The following HNRNPC variants were observed in gnomAD, a reference collection of about 807,000 sequenced individuals.
The protein encoded by HNRNPC is heterogeneous nuclear ribonucleoproteins C1/C2.
Under a neutral mutation model 33.2 loss-of-function variants are expected in HNRNPC, and 3 were observed. That is an observed-to-expected ratio of 0.09 (90% confidence interval 0.04 to 0.23). HNRNPC has a LOEUF of 0.23. Among genes scored for constraint, HNRNPC ranks in the 10% least tolerant of loss-of-function variants. The probability of loss-of-function intolerance (pLI) is 1.00; values close to 1 mark genes in which losing one functional copy is unlikely to be tolerated. For missense variants in HNRNPC, 143 were observed against 366.7 expected, an observed-to-expected ratio of 0.39 and a Z score of 4.98; for synonymous variants, 121 against 126.7, an observed-to-expected ratio of 0.96 and a Z score of 0.30.
chr14:21,210,195 T>C lies in HNRNPC; in HGVS notation c.*1028A>G, dbSNP rs1185467827. The C allele has an allele frequency of 6.6e-6, 1 of 152,178 alleles. No individual in the cohort carries two copies. Among genetic ancestry groups the C allele is most frequent in the African/African-American group, 2.4e-5 (1 of 41,426 alleles). 9.4% of individuals were successfully genotyped at this position (152,178 alleles called of 1,614,324 possible). On this transcript the variant is annotated 3_prime_UTR_variant, in exon 9 of 9. Transcript: ENST00000553300. Reference sequence around the variant, plus strand: ...TCGCCATTTTCCTGAAATCTTGATGTTTTTGAGCCTCTCCTATTTAAGGAC... The same window carrying C: ...TCGCCATTTTCCTGAAATCTTGATGCTTTTGAGCCTCTCCTATTTAAGGAC...
rs541174838 is a variant in HNRNPC at position 21,209,957 on chromosome 14, G to T, written c.*1266C>A. The T allele has an allele frequency of 2.3e-4, 35 of 151,670 alleles. No individual in the cohort carries two copies. Among genetic ancestry groups the T allele is most frequent in the African/African-American group, 8.2e-4 (34 of 41,516 alleles). The allele number at this position is 151,670 out of a possible 1,614,324, so 9.4% of individuals were successfully genotyped here. ...AGGAAAACACAAAGATTAGCTAACA[G>T]GGGTAAAAGATCATTTAGAGTAAAA... On this transcript the variant is annotated 3_prime_UTR_variant, in exon 9 of 9. Coordinates refer to ENST00000553300, the MANE Select transcript of HNRNPC (RefSeq NM_004500.4).
intron 2 of HNRNPC, among the ~76,000 whole-genome samples, chr14:21,258,655 A>C (rs1251895096): frequency 1.3e-5 from 2 of 152,216 alleles, no homozygotes; most frequent in Non-Finnish European, 2.9e-5. Flanking sequence ...TCAAGTGTTT[A>C]GAATACTTCC....
chr14:21,249,595 A>AAAAC (rs1555358494), intron 2 of HNRNPC, among the ~76,000 whole-genome samples: 7 of 85,276 alleles, frequency 8.2e-5, no homozygotes, highest in Non-Finnish European at 2.0e-4. Context: ...CTCAAAAACA[A>AAAAC]AAAAAAAAAA....
chr14:21,242,244 G>C (rs779597154), intron 2 of HNRNPC, among the ~76,000 whole-genome samples: 10 of 152,186 alleles, frequency 6.6e-5, no homozygotes, highest in Non-Finnish European at 1.5e-4. Context: ...CAGCACTTTG[G>C]GAGGCCAAGG....
At chr14:21,211,723 T>C (rs1313540222) in intron 7 of HNRNPC, 87 bp downstream of exon 7, 5 of 1,420,106 alleles carry the variant, frequency 3.5e-6, no homozygotes, top group Non-Finnish European at 3.9e-6. Context: ...TACATTGCTT[T>C]ATATTCCACT....
intron 5 of HNRNPC, among the ~76,000 whole-genome samples, chr14:21,214,902 G>C (rs971674457): frequency 6.6e-6 from 1 of 152,170 alleles, no homozygotes; most frequent in African/African-American, 2.4e-5. Context: ...ATTAAACTGA[G>C]CTTAAGCCTC....
chr14:21,253,670 T>G (rs907527228), intron 2 of HNRNPC, among the ~76,000 whole-genome samples: 1 of 152,114 alleles, frequency 6.6e-6, no homozygotes, highest in Admixed American at 6.6e-5. Flanking sequence ...AAGCAAAAGA[T>G]CCAAAGTAAT....
chr14:21,247,633 G>A (rs747039662), intron 2 of HNRNPC, among the ~76,000 whole-genome samples: 23 of 151,986 alleles, frequency 1.5e-4, no homozygotes. Flanking sequence ...CCAAATTGAA[G>A]TAAACTGAAA....
intron 2 of HNRNPC, among the ~76,000 whole-genome samples, chr14:21,260,276 G>A (rs1320329441): frequency 5.4e-5 from 8 of 146,870 alleles, no homozygotes; most frequent in Non-Finnish European, 1.2e-4. Flanking sequence ...CTGAGACAGA[G>A]AACTGCTTGA....
At chr14:21,254,370 T>C (rs1172582106) in intron 2 of HNRNPC, among the ~76,000 whole-genome samples, 1 of 152,136 alleles carries the variant, frequency 6.6e-6, no homozygotes, top group African/African-American at 2.4e-5. Flanking sequence ...CAGGTTAAAT[T>C]TAAAATTATT....
intron 2 of HNRNPC, among the ~76,000 whole-genome samples, chr14:21,243,690 C>T (rs1026573432): frequency 6.6e-6 from 1 of 152,138 alleles, no homozygotes; most frequent in Non-Finnish European, 1.5e-5. Context: ...AGCAATGGGA[C>T]GGTAGGTCCC....
chr14:21,230,522 T>C, intron 4 of HNRNPC, 156 bp from the exon 5 acceptor site: 1 of 622,986 alleles, frequency 1.6e-6, no homozygotes, highest in Admixed American at 2.8e-5. Context: ...AATCACTCAA[T>C]TCCAATCACC....
At chr14:21,231,295 A>G in intron 3 of HNRNPC, 1 of 647,822 alleles carries the variant, frequency 1.5e-6, no homozygotes. Flanking sequence ...CACCATGCCC[A>G]GCTAATACAA....
In HNRNPC at chr14:21,210,969, A is replaced by G; in HGVS notation, c.*254T>C. 1 of 536,544 alleles carries G rather than the reference A, an allele frequency of 1.9e-6. No homozygotes were observed. Among genetic ancestry groups the G allele is most frequent in the Non-Finnish European group, 3.3e-6 (1 of 300,566 alleles). 33.2% of individuals were successfully genotyped at this position (536,544 alleles called of 1,614,324 possible). A position where few individuals can be genotyped will look rare whatever the true frequency, so the allele number is the denominator to read the frequency against. On this transcript the variant is annotated 3_prime_UTR_variant, in exon 9 of 9. Coordinates refer to ENST00000553300, the MANE Select transcript of HNRNPC (RefSeq NM_004500.4). ...CATACATCCTTTTTATTGTTAAGTCATAAAGAGGTATCAAAATTAAAAGCA... is the reference window on the plus strand; with the variant it reads ...CATACATCCTTTTTATTGTTAAGTCGTAAAGAGGTATCAAAATTAAAAGCA...
At position 21,210,126 on chromosome 14, in the gene HNRNPC, T is replaced by C. The variant is rs1358808830; in HGVS notation, c.*1097A>G. 6.6e-6 allele frequency: 1 copy of C among 152,132 alleles called. No individual in the cohort carries two copies. Among genetic ancestry groups the C allele is most frequent in the Non-Finnish European group, 1.5e-5 (1 of 68,010 alleles). 9.4% of individuals were successfully genotyped at this position (152,132 alleles called of 1,614,324 possible). A position where few individuals can be genotyped will look rare whatever the true frequency, so the allele number is the denominator to read the frequency against. ...AGGTAACTGGGGCTATAAATAGTAA[T>C]TAAAAGAACAAAATAGAAGCAGGGG... is the stretch of plus-strand genomic sequence containing the variant. On this transcript the variant is annotated 3_prime_UTR_variant, in exon 9 of 9. Transcript: ENST00000553300.
chr14:21,250,273 C>T (rs888273909), intron 2 of HNRNPC, among the ~76,000 whole-genome samples: 2 of 151,854 alleles, frequency 1.3e-5, no homozygotes, highest in Non-Finnish European at 2.9e-5. Context: ...AAGAAATCCA[C>T]ATTTAAATAC....
chr14:21,217,642 A>G (rs1224946833), intron 5 of HNRNPC, among the ~76,000 whole-genome samples: 1 of 152,240 alleles, frequency 6.6e-6, no homozygotes, highest in Non-Finnish European at 1.5e-5. Flanking sequence ...TCCTATACTG[A>G]GCCAATGGCA....
intron 5 of HNRNPC, among the ~76,000 whole-genome samples, chr14:21,224,287 T>C (rs577768585): frequency 5.9e-5 from 9 of 152,314 alleles, no homozygotes; most frequent in African/African-American, 2.2e-4. Context: ...GAAGAAATGA[T>C]GGTTTGACAG....
intron 2 of HNRNPC, among the ~76,000 whole-genome samples, chr14:21,255,944 G>C (rs1877113807): frequency 6.6e-6 from 1 of 152,156 alleles, no homozygotes; most frequent in Non-Finnish European, 1.5e-5. Context: ...AACTGTATGA[G>C]TCAGAGAAAA....
Sources: allele counts gnomAD v4.1 joint callset (sites outside exome capture counted in the v4.1 genomes callset), GRCh38; gene constraint gnomAD v4.1.1; transcripts MANE v1.5; gene names NCBI Gene and HGNC (gene_info 2026-07-23, HGNC 2026-07-21).